ZNF341: variants seen among roughly 807,000 people sequenced by gnomAD.
ZNF341 encodes the protein zinc finger protein 341.
A neutral mutation model predicts 87.7 loss-of-function variants in ZNF341; 52 were observed. The observed-to-expected ratio is 0.59, with a 90% CI of 0.47 to 0.75. ZNF341 has a LOEUF of 0.75. ZNF341 is among the 30% of genes least tolerant of loss of function. The pLI is 0.00. For missense variants in ZNF341, 977 were observed against 1,145.9 expected (o/e 0.85, Z 2.13); for synonymous variants, 459 against 472.7 (o/e 0.97, Z 0.38).
chr20:33,767,125 A>G (rs1335323313), intron 9 of ZNF341, 84 bp downstream of exon 9: 2 of 1,483,048 alleles, frequency 1.3e-6, no homozygotes, highest in African/African-American at 1.4e-5. Context: ...CTGCCTAGAA[A>G]GGGGTAGGAA....
In ZNF341 at chr20:33,784,008, C is replaced by T. The variant is rs146524190; in HGVS notation, c.1852+144C>T. On this transcript the variant is annotated intron_variant, in intron 12 of 14. Coordinates refer to ENST00000375200, the MANE Select transcript of ZNF341 (RefSeq NM_001282933.2). Reference sequence around the variant, plus strand: ...CTTTTCCCTCCACTTCTCCATCTCCCTCCCCATCTCACTCAGTCCCTCCCC... The same window carrying T: ...CTTTTCCCTCCACTTCTCCATCTCCTTCCCCATCTCACTCAGTCCCTCCCC... 3.6e-3 allele frequency: 2,685 copies of T among 745,018 alleles called. 13 individuals carry two copies. The highest frequency in any genetic ancestry group is 0.01 in the Middle Eastern group (32 of 3,100). 46.2% of individuals were successfully genotyped at this position (745,018 alleles called of 1,614,324 possible).
intron 11 of ZNF341, 50 bp from the exon 12 acceptor site, chr20:33,783,681 AG>A (rs761194693): frequency 6.9e-5 from 111 of 1,612,292 alleles, no homozygotes; most frequent in Middle Eastern, 1.7e-4. Context: ...GAAGATGGCC[AG>A]GGGAGGGGGG....
intron 10 of ZNF341, among the ~76,000 whole-genome samples, chr20:33,775,731 G>C (rs12625495): frequency 0.021 from 3,200 of 151,846 alleles, 118 homozygotes; most frequent in African/African-American, 0.073. Context: ...ACAGGATCTT[G>C]CTCAGTCACC....
intron 4 of ZNF341, among the ~76,000 whole-genome samples, chr20:33,750,979 T>G (rs555665038): frequency 1.3e-5 from 2 of 151,568 alleles, no homozygotes; most frequent in Non-Finnish European, 2.9e-5. Flanking sequence ...CTCGCTATGT[T>G]ACCCAGGCTG....
At chr20:33,742,527 G>A (rs1199743618) in intron 2 of ZNF341, among the ~76,000 whole-genome samples, 3 of 151,832 alleles carry the variant, frequency 2.0e-5, no homozygotes, top group Non-Finnish European at 4.4e-5. Context: ...TGTTGGCCTG[G>A]CTGGTCTCGA....
At chr20:33,784,707 C>T (rs1243321602) in intron 12 of ZNF341, among the ~76,000 whole-genome samples, 5 of 151,684 alleles carry the variant, frequency 3.3e-5, no homozygotes, top group East Asian at 3.9e-4. Context: ...CTCTGCCTCC[C>T]GGGTTCAAGT....
intron 3 of ZNF341, among the ~76,000 whole-genome samples, chr20:33,745,735 A>G (rs2018903947): frequency 6.6e-6 from 1 of 152,060 alleles, no homozygotes. Context: ...GGAATGAGTT[A>G]TGCGGCTGGT....
chr20:33,775,807 C>T (rs1348987626), intron 10 of ZNF341, among the ~76,000 whole-genome samples: 1 of 151,876 alleles, frequency 6.6e-6, no homozygotes, highest in African/African-American at 2.4e-5. Context: ...TCAAACAATC[C>T]ATCCCCCTCA....
intron 10 of ZNF341, among the ~76,000 whole-genome samples, chr20:33,770,807 A>C (rs2019515887): frequency 6.6e-6 from 1 of 152,140 alleles, no homozygotes; most frequent in African/African-American, 2.4e-5. Context: ...CCCCATCTCT[A>C]CAAAATAAAA....
At chr20:33,785,526 G>A (rs1446210084) in intron 12 of ZNF341, among the ~76,000 whole-genome samples, 1 of 151,838 alleles carries the variant, frequency 6.6e-6, no homozygotes, top group African/African-American at 2.4e-5. Context: ...CAGTAGAGAC[G>A]GGGTTTCACC....
chr20:33,749,471 A>G (rs1341216152), intron 4 of ZNF341, among the ~76,000 whole-genome samples: 1 of 151,268 alleles, frequency 6.6e-6, no homozygotes, highest in Non-Finnish European at 1.5e-5. Flanking sequence ...TTTTTTTTGT[A>G]TTTTTAGTAG....
In ZNF341 at chr20:33,770,283, C is replaced by G. The variant is rs761312652; in HGVS notation, c.1613C>G (p.Ala538Gly). 1.3e-6 allele frequency: 2 copies of G among 1,586,120 alleles called. No homozygotes were observed. The highest frequency in any genetic ancestry group is 1.7e-6 in the Non-Finnish European group (2 of 1,162,616). The stretch of plus-strand genomic sequence containing the variant: ...CAGCACAGCCCCAAGAAGGACAATG[C>G]CGTCTACAAGTAAGTGCCTCCTGCT... Reference protein sequence around the residue: ...LPQHSPKKDNAVYKCVKCVNK... With the variant: ...LPQHSPKKDNGVYKCVKCVNK... Residue 538 changes from alanine to glycine, a missense_variant, in exon 10 of 15, where the codon GCC becomes GGC. By Grantham distance (60) the Ala-to-Gly change is moderately conservative (BLOSUM62 0). This residue lies in a region of ZNF341 where 241 missense variants were observed against 335.0 expected (regional missense o/e 0.72). Transcript: ENST00000375200.
intron 11 of ZNF341, among the ~76,000 whole-genome samples, chr20:33,782,900 A>C (rs183413475): frequency 2.6e-3 from 402 of 152,310 alleles, no homozygotes; most frequent in Non-Finnish European, 4.8e-3. Context: ...GGGCGCCTGT[A>C]ATCCCAGCAC....
Position 33,789,608 on chromosome 20 carries a change from G to A in ZNF341, c.2035+20G>A. On this transcript the variant is annotated intron_variant, in intron 14 of 14. Transcript: ENST00000375200. Reference sequence around the variant, plus strand: ...ACTCTGGTAAGTGGCTCTTGGGCCTGCTAAGAGGGTCTGGTTCAGCTCTAG... The same window carrying A: ...ACTCTGGTAAGTGGCTCTTGGGCCTACTAAGAGGGTCTGGTTCAGCTCTAG... 1 of 1,613,448 alleles carries A rather than the reference G, an allele frequency of 6.2e-7. No homozygotes were observed. Among genetic ancestry groups the A allele is most frequent in the Non-Finnish European group, 8.5e-7 (1 of 1,179,488 alleles).
At chr20:33,780,977 G>A (rs2019729998) in intron 10 of ZNF341, among the ~76,000 whole-genome samples, 1 of 152,108 alleles carries the variant, frequency 6.6e-6, no homozygotes, top group African/African-American at 2.4e-5. Flanking sequence ...TAAAGTATTG[G>A]GATTGCAGGT....
At chr20:33,742,954 G>A (rs1042928698) in intron 2 of ZNF341, among the ~76,000 whole-genome samples, 2 of 151,980 alleles carry the variant, frequency 1.3e-5, no homozygotes, top group Non-Finnish European at 2.9e-5. Flanking sequence ...CGAGTTGAGA[G>A]TGGTGTGCAC....
chr20:33,745,324 C>T lies in ZNF341; in HGVS notation c.339+25C>T, dbSNP rs768932733. 2.5e-6 allele frequency: 4 copies of T among 1,601,894 alleles called. 1 individual carries two copies. The South Asian group carries it at 4.4e-5, about 18-fold the overall frequency. On this transcript the variant is annotated intron_variant, in intron 3 of 14. Coordinates refer to ENST00000375200, the MANE Select transcript of ZNF341 (RefSeq NM_001282933.2). ...GGTATTTGTTCATTTATTCATTCAA[C>T]ATGTCTTTTTTGAGGGCCTAACATG...
At position 33,757,155 on chromosome 20, in the gene ZNF341, A is replaced by G. The variant is rs2019192322; in HGVS notation, c.749A>G (p.Asn250Ser). The change falls in exon 6 of 15, where the codon AAC becomes AGC. Residue 250 changes from asparagine to serine, a missense_variant. Transcript: ENST00000375200. ...ACTGTGTTGTCCTCCTAGGTGCCAAACCAGTGTGTGGAGCCTCCAGTATAT... is the reference window on the plus strand; with the variant it reads ...ACTGTGTTGTCCTCCTAGGTGCCAAGCCAGTGTGTGGAGCCTCCAGTATAT... The part of the protein sequence containing the change: ...MQPYPPLEVP[N>S]QCVEPPVYPT... The G allele has an allele frequency of 2.8e-6, 4 of 1,432,328 alleles. No individual in the cohort carries two copies. The highest frequency in any genetic ancestry group is 3.7e-6 in the Non-Finnish European group (4 of 1,086,660). The allele number at this position is 1,432,328 out of a possible 1,614,324, so 88.7% of individuals were successfully genotyped here.
intron 2 of ZNF341, among the ~76,000 whole-genome samples, chr20:33,742,823 G>A (rs985587818): frequency 2.6e-5 from 4 of 152,092 alleles, no homozygotes; most frequent in African/African-American, 9.7e-5. Context: ...TTCTATTGTT[G>A]TCCCATTGGT....
Sources: gnomAD v4.1 joint callset for allele counts (sites outside exome capture counted in the v4.1 genomes callset) on GRCh38, gnomAD v4.1.1 for gene constraint, gnomAD v4.1.1 regional missense constraint, MANE v1.5 for transcripts, NCBI Gene and HGNC (gene_info 2026-07-23, HGNC 2026-07-21) for gene names.